PARP4: variants seen among roughly 807,000 people sequenced by gnomAD.
PARP4 encodes the protein poly(ADP-ribose) polymerase family member 4.
A neutral mutation model predicts 187.7 loss-of-function variants in PARP4; 120 were observed. The observed-to-expected ratio is 0.64, with a 90% CI of 0.55 to 0.74. The LOEUF is 0.74. PARP4 is among the 30% of genes least tolerant of loss of function. PARP4 has a pLI of 0.00. For synonymous variants in PARP4, 654 were observed against 740.9 expected, an observed-to-expected ratio of 0.88 and a Z score of 1.90; for missense variants, 1,836 against 2,070.5, an observed-to-expected ratio of 0.89 and a Z score of 2.20.
chr13:24,430,138 T>C (rs1870260320), intron 32 of PARP4, among the ~76,000 whole-genome samples: 2 of 152,318 alleles, frequency 1.3e-5, no homozygotes, highest in Admixed American at 1.3e-4. Flanking sequence ...AGATAGAGGC[T>C]CTTCTATTAT....
intron 10 of PARP4, among the ~76,000 whole-genome samples, chr13:24,489,551 G>T (rs1566015950): frequency 6.6e-6 from 1 of 152,202 alleles, no homozygotes. Context: ...AGAGCTTGCA[G>T]TGAGCCGAGA....
chr13:24,459,841 A>C lies in PARP4; in HGVS notation c.2298+131T>G, dbSNP rs566966133. On this transcript the variant is annotated intron_variant, in intron 18 of 33. Coordinates refer to ENST00000381989, the MANE Select transcript of PARP4 (RefSeq NM_006437.4). ...CACATAATGTATCTAAATGCATGTC[A>C]GTAAAATTAACTTTATGCCTAAAAG... The C allele has an allele frequency of 2.1e-5, 14 of 661,042 alleles. 1 individual carries two copies. In the South Asian group the frequency reaches 2.5e-4, roughly 12 times the overall value. The allele number at this position is 661,042 out of a possible 1,614,324, so 40.9% of individuals were successfully genotyped here.
chr13:24,454,975 G>A (rs73172140), intron 22 of PARP4, 42 bp downstream of exon 22: 168,169 of 1,463,744 alleles, frequency 0.11, 10,265 homozygotes, highest in African/African-American at 0.15. Context: ...TGATTCACAT[G>A]TAGGGGAAGC....
chr13:24,441,059 G>A (rs4769355), intron 30 of PARP4, among the ~76,000 whole-genome samples: 60,111 of 151,672 alleles, frequency 0.4, 12,118 homozygotes, highest in African/African-American at 0.46. Context: ...TTTTTGTAGC[G>A]ACAGGGTTTC....
chr13:24,448,584 C>T (rs1457247042), intron 25 of PARP4, among the ~76,000 whole-genome samples: 2 of 152,056 alleles, frequency 1.3e-5, no homozygotes, highest in African/African-American at 4.8e-5. Flanking sequence ...AAAAACTAAA[C>T]ATAAAATGAG....
intron 9 of PARP4, among the ~76,000 whole-genome samples, chr13:24,491,113 A>G (rs543844443): frequency 2.2e-4 from 33 of 150,704 alleles, no homozygotes; most frequent in African/African-American, 7.6e-4. Flanking sequence ...AGCAACACTC[A>G]TGACTGACAT....
intron 1 of PARP4, among the ~76,000 whole-genome samples, chr13:24,507,665 T>G (rs73154395): frequency 0.11 from 16,283 of 152,312 alleles, 1,165 homozygotes; most frequent in Non-Finnish European, 0.16. Flanking sequence ...CTGTTGCGCC[T>G]GTGTTCAATC....
chr13:24,459,028 T>A lies in PARP4; in HGVS notation c.2424+16A>T. 5.2e-6 allele frequency: 8 copies of A among 1,542,292 alleles called. No homozygotes were observed. Among genetic ancestry groups the A allele is most frequent in the Non-Finnish European group, 7.2e-6 (8 of 1,116,686 alleles). ...TGTTAAAATAACAGCTCTTAAGAAA[T>A]CAAAGATGCACTAACCTTTTGTTTC... On this transcript the variant is annotated intron_variant, in intron 20 of 33. Transcript: ENST00000381989.
chr13:24,501,255 G>C (rs1869264670), intron 3 of PARP4, among the ~76,000 whole-genome samples: 1 of 152,180 alleles, frequency 6.6e-6, no homozygotes, highest in Admixed American at 6.5e-5. Context: ...TTCTTTTGGG[G>C]AGACAATCTT....
At chr13:24,488,362 G>A (rs1036080215) in intron 10 of PARP4, among the ~76,000 whole-genome samples, 2 of 152,102 alleles carry the variant, frequency 1.3e-5, no homozygotes, top group Admixed American at 1.3e-4. Context: ...CTGTGGGAAT[G>A]AATGTTTTTG....
rs549438501 is a variant in PARP4 at position 24,462,135 on chromosome 13, GC to G, written c.2134-2000del. 1.1e-4 allele frequency among the ~76,000 whole-genome samples: 17 copies of G among 152,282 alleles called. 1 individual carries two copies. In the South Asian group the frequency reaches 2.7e-3, roughly 24 times the overall value. The stretch of plus-strand genomic sequence containing the variant: ...AAGACTGAGGCTGAACCAGAAGAAT[GC>G]CCCTGCCCCACCAGGAGCCTAGTAC... On this transcript the variant is annotated intron_variant, in intron 17 of 33. Coordinates refer to ENST00000381989, the MANE Select transcript of PARP4 (RefSeq NM_006437.4).
At chr13:24,441,079 C>G (rs1870902766) in intron 30 of PARP4, among the ~76,000 whole-genome samples, 1 of 152,032 alleles carries the variant, frequency 6.6e-6, no homozygotes, top group African/African-American at 2.4e-5. Context: ...CACCATGTTG[C>G]CCAGGCTGGT....
intron 30 of PARP4, among the ~76,000 whole-genome samples, chr13:24,440,915 A>C (rs7981337): frequency 0.4 from 60,366 of 152,008 alleles, 12,236 homozygotes; most frequent in African/African-American, 0.46. Context: ...CTCTGTCACT[A>C]AGGCTGGAGT....
chr13:24,505,473 G>C (rs559368258), intron 1 of PARP4, among the ~76,000 whole-genome samples: 1 of 152,302 alleles, frequency 6.6e-6, no homozygotes, highest in East Asian at 1.9e-4. Flanking sequence ...TGAGAGGGAA[G>C]TTTCTTCAGA....
intron 29 of PARP4, among the ~76,000 whole-genome samples, chr13:24,442,256 A>T (rs74884701): frequency 9.2e-3 from 1,391 of 151,644 alleles, no homozygotes; most frequent in African/African-American, 0.032. Context: ...GGCCTTTTCT[A>T]TTTTTTGAGG....
intron 23 of PARP4, 54 bp downstream of exon 23, chr13:24,453,533 C>A (rs984848180): frequency 3.5e-6 from 4 of 1,148,542 alleles, no homozygotes; most frequent in African/African-American, 3.0e-5. Flanking sequence ...TGGAGGTCCC[C>A]TTAAAGCATG....
At chr13:24,462,732 C>T (rs1175130001) in intron 17 of PARP4, among the ~76,000 whole-genome samples, 1 of 152,098 alleles carries the variant, frequency 6.6e-6, no homozygotes, top group South Asian at 2.1e-4. Context: ...GTCAAAAATG[C>T]TAGAAACAAA....
At chr13:24,493,803 C>A in intron 7 of PARP4, 70 bp from the exon 8 acceptor site, 1 of 1,449,026 alleles carries the variant, frequency 6.9e-7, no homozygotes, top group Non-Finnish European at 9.6e-7. Flanking sequence ...TTACATGGGC[C>A]AACGAACAGA....
chr13:24,452,331 G>C, intron 24 of PARP4, 75 bp downstream of exon 24: 2 of 1,224,442 alleles, frequency 1.6e-6, no homozygotes, highest in African/African-American at 3.0e-5. Flanking sequence ...TTCCAAGCTT[G>C]CCAAAGTCCC....
Sources: allele counts gnomAD v4.1 joint callset (sites outside exome capture counted in the v4.1 genomes callset), GRCh38; gene constraint gnomAD v4.1.1; transcripts MANE v1.5; gene names NCBI Gene and HGNC (gene_info 2026-07-23, HGNC 2026-07-21).